Variants in CHST9 observed in about 807,000 individuals in gnomAD.
The protein encoded by CHST9 is carbohydrate sulfotransferase 9, also known as GalNAc-4-sulfotransferase 2.
A neutral mutation model predicts 44.4 loss-of-function variants in CHST9; 41 were observed. That is an observed-to-expected ratio of 0.92 (90% CI 0.72 to 1.20). CHST9 has a LOEUF of 1.20. Among genes scored for constraint, CHST9 ranks in the 50% most tolerant of loss-of-function variants. The pLI is 0.00. For missense variants in CHST9, 504 were observed against 516.5 expected (o/e 0.98, Z 0.23); for synonymous variants, 171 against 178.4 (o/e 0.96, Z 0.33).
chr18:26,939,319 A>T (rs2056047141), intron 5 of CHST9, among the ~76,000 whole-genome samples: 1 of 152,182 alleles, frequency 6.6e-6, no homozygotes, highest in African/African-American at 2.4e-5. Context: ...TACGTTGATG[A>T]AATAGTTTTA....
intron 4 of CHST9, among the ~76,000 whole-genome samples, chr18:26,999,901 G>A (rs958665891): frequency 6.6e-6 from 1 of 152,104 alleles, no homozygotes; most frequent in African/African-American, 2.4e-5. Flanking sequence ...ACGTTAAGTG[G>A]GACAGTGTGT....
chr18:27,112,750 CA>C (rs1279111529), intron 2 of CHST9, among the ~76,000 whole-genome samples: 1 of 149,488 alleles, frequency 6.7e-6, no homozygotes, highest in Non-Finnish European at 1.5e-5. Context: ...AGTCAAGAAG[CA>C]AAAAAAATAA....
chr18:27,032,167 A>T (rs903342179), intron 3 of CHST9, among the ~76,000 whole-genome samples: 1 of 152,072 alleles, frequency 6.6e-6, no homozygotes, highest in African/African-American at 2.4e-5. Context: ...GGTCTCTAGC[A>T]TTTGCAAGCT....
intron 4 of CHST9, among the ~76,000 whole-genome samples, chr18:26,963,054 C>T (rs747414436): frequency 2.0e-5 from 3 of 152,136 alleles, no homozygotes; most frequent in Non-Finnish European, 2.9e-5. Flanking sequence ...TATTAATTCA[C>T]CCATTTAGTC....
At chr18:26,963,863 G>A (rs1328289083) in intron 4 of CHST9, among the ~76,000 whole-genome samples, 6 of 152,090 alleles carry the variant, frequency 3.9e-5, no homozygotes, top group Non-Finnish European at 5.9e-5. Flanking sequence ...TATCATGCAC[G>A]TTTCATACTT....
intron 2 of CHST9, among the ~76,000 whole-genome samples, chr18:27,127,957 G>A (rs747279093): frequency 1.8e-4 from 27 of 152,124 alleles, no homozygotes; most frequent in Admixed American, 1.4e-3. Flanking sequence ...CAGTGACATG[G>A]GGAGGAGACG....
At chr18:26,926,374 T>C (rs948901805) in intron 5 of CHST9, among the ~76,000 whole-genome samples, 3 of 152,168 alleles carry the variant, frequency 2.0e-5, no homozygotes, top group Non-Finnish European at 4.4e-5. Context: ...ACTGAGGACA[T>C]AACATAATGT....
chr18:27,151,616 T>C (rs1422215646), intron 1 of CHST9, among the ~76,000 whole-genome samples: 4 of 151,924 alleles, frequency 2.6e-5, no homozygotes, highest in African/African-American at 7.3e-5. Flanking sequence ...AATCACAGAG[T>C]CTTGAAGAAT....
intron 3 of CHST9, among the ~76,000 whole-genome samples, chr18:27,042,227 G>A (rs944489763): frequency 6.6e-6 from 1 of 152,084 alleles, no homozygotes; most frequent in Non-Finnish European, 1.5e-5. Context: ...GTGGATCACA[G>A]GTCTGGGTTC....
chr18:27,062,040 C>G (rs2057728495), intron 2 of CHST9, among the ~76,000 whole-genome samples: 1 of 152,126 alleles, frequency 6.6e-6, no homozygotes. Context: ...TCCACAAATA[C>G]CCCTACGGAA....
At chr18:26,972,065 G>C (rs1372113457) in intron 4 of CHST9, among the ~76,000 whole-genome samples, 2 of 151,868 alleles carry the variant, frequency 1.3e-5, no homozygotes, top group Non-Finnish European at 2.9e-5. Flanking sequence ...TCATTAAGAT[G>C]GTTACATTGG....
chr18:27,008,701 C>T (rs1194757527), intron 4 of CHST9, among the ~76,000 whole-genome samples: 1 of 120,496 alleles, frequency 8.3e-6, no homozygotes, highest in Non-Finnish European at 1.7e-5. Flanking sequence ...ACTGCTCCCC[C>T]TGTCCTCTTG....
At chr18:26,931,337 C>T (rs2055874551) in intron 5 of CHST9, among the ~76,000 whole-genome samples, 2 of 152,198 alleles carry the variant, frequency 1.3e-5, no homozygotes, top group Admixed American at 6.5e-5. Context: ...CGACTGTCCA[C>T]TGAAGGGGTA....
At position 27,080,526 on chromosome 18, in the gene CHST9, G is replaced by T. The variant is rs934380093; in HGVS notation, c.122-32023C>A. ...CCAACTTTTTTAAAATTTTACTTTT[G>T]TATTCTTTGGCACCTCATGCTGAGT... On this transcript the variant is annotated intron_variant, in intron 2 of 5. Transcript: ENST00000618847. Among the ~76,000 whole-genome samples the T allele has an allele frequency of 7.9e-5, 12 of 151,998 alleles. 2 individuals carry two copies. The highest frequency in any genetic ancestry group is 7.9e-4 in the Admixed American group (12 of 15,256).
rs536695100 is a variant in CHST9, at chr18:27,171,184, C to T, written c.-97+13952G>A. ...ACCCACACTGGAGCTGTAGGCTCCC[C>T]GTGTACAACACCTCCTGCCATTCCA... On this transcript the variant is annotated intron_variant, in intron 1 of 5. Coordinates refer to ENST00000618847, the MANE Select transcript of CHST9 (RefSeq NM_031422.6). Among the ~76,000 whole-genome samples, 13 of 152,228 alleles carry T rather than the reference C, an allele frequency of 8.5e-5. No individual in the cohort carries two copies. The South Asian group carries it at 2.5e-3, about 29-fold the overall frequency.
intron 4 of CHST9, among the ~76,000 whole-genome samples, chr18:27,012,153 A>G (rs558979929): frequency 2.0e-5 from 3 of 152,276 alleles, no homozygotes; most frequent in Non-Finnish European, 2.9e-5. Flanking sequence ...GTTAATTATA[A>G]TTTATGTACT....
intron 4 of CHST9, among the ~76,000 whole-genome samples, chr18:26,948,927 C>T (rs2056204073): frequency 6.6e-6 from 1 of 152,078 alleles, no homozygotes; most frequent in Non-Finnish European, 1.5e-5. Flanking sequence ...TACACGCATA[C>T]ACTTTAGCAG....
intron 2 of CHST9, among the ~76,000 whole-genome samples, chr18:27,057,334 T>C (rs1173174770): frequency 2.0e-5 from 3 of 152,244 alleles, no homozygotes; most frequent in Non-Finnish European, 4.4e-5. Context: ...AACCAACTGG[T>C]CTGTAGAAGT....
intron 1 of CHST9, among the ~76,000 whole-genome samples, chr18:27,176,861 T>C (rs1404401040): frequency 6.6e-6 from 1 of 152,044 alleles, no homozygotes; most frequent in Non-Finnish European, 1.5e-5. Context: ...GCTGTTCTAA[T>C]TCCCTGATCT....
Sources: gnomAD v4.1 joint callset for allele counts (sites outside exome capture counted in the v4.1 genomes callset) on GRCh38, gnomAD v4.1.1 for gene constraint, MANE v1.5 for transcripts, NCBI Gene and HGNC (gene_info 2026-07-23, HGNC 2026-07-21) for gene names.